SBK2: variants seen among roughly 807,000 people sequenced by gnomAD.
SBK2 encodes SH3 domain binding kinase family member 2, also known as serine/threonine-protein kinase SBK2.
In SBK2, 18 loss-of-function variants were observed where a neutral mutation model predicts 15.9. That is an observed-to-expected ratio of 1.13 (90% CI 0.78 to 1.68). SBK2 has a LOEUF of 1.68. Among genes scored for constraint, SBK2 ranks in the 40% most tolerant of loss-of-function variants. SBK2 has a pLI of 0.00. For missense variants in SBK2, 581 were observed against 510.9 expected (o/e 1.14, Z -1.32); for synonymous variants, 284 against 246.8 (o/e 1.15, Z -1.41).
Position 55,531,184 on chromosome 19 carries a change from G to T in SBK2, c.415C>A (p.Pro139Thr). The T allele has an allele frequency of 1.9e-6, 3 of 1,613,020 alleles. No individual in the cohort carries two copies. The highest frequency in any genetic ancestry group is 2.5e-6 in the Non-Finnish European group (3 of 1,179,976). ...SAHSYSFLTE[P>T]VLHGDLMAFI... Reference sequence around the variant, plus strand: ...GCCATGAGGTCCCCGTGCAGGACGGGCTCCGTCAGGAAGCTGTAGGAGTGT... The same window carrying T: ...GCCATGAGGTCCCCGTGCAGGACGGTCTCCGTCAGGAAGCTGTAGGAGTGT... Residue 139 changes from proline to threonine, a missense_variant, in exon 3 of 4, where the codon CCC (proline) becomes ACC (threonine). By Grantham distance (38) the Pro-to-Thr change is conservative. Transcript: ENST00000413299.
intron 2 of SBK2, 36 bp downstream of exon 2, chr19:55,536,006 C>G (rs755638381): frequency 9.8e-6 from 14 of 1,426,078 alleles, no homozygotes; most frequent in Non-Finnish European, 1.3e-5. Context: ...CCGCCCCCAG[C>G]TGAACCCTGC....
rs772099023 is a variant in SBK2 at position 55,530,288 on chromosome 19, G to A, written c.492C>T (p.Ala164=). ...ACTCCAGGGCGGAGGCCAGCTGGGCGGCGCAGCGGTGCACCGCGGGCTGCG... is the reference window on the plus strand; with the variant it reads ...ACTCCAGGGCGGAGGCCAGCTGGGCAGCGCAGCGGTGCACCGCGGGCTGCG... ...GLPQPAVHRC[A]AQLASALEYI... The change falls in exon 4 of 4, where the codon GCC becomes GCT. Residue 164 remains alanine, a synonymous_variant. Coordinates refer to ENST00000413299, the MANE Select transcript of SBK2 (RefSeq NM_001370096.2). 4.1e-6 allele frequency: 6 copies of A among 1,453,476 alleles called. No homozygotes were observed. In the South Asian group the frequency reaches 5.6e-5, roughly 14 times the overall value. The allele number at this position is 1,453,476 out of a possible 1,614,324, so 90.0% of individuals were successfully genotyped here. A position where few individuals can be genotyped will look rare whatever the true frequency, so the allele number is the denominator to read the frequency against.
At chr19:55,534,539 T>TA (rs889000112) in intron 2 of SBK2, among the ~76,000 whole-genome samples, 4 of 148,088 alleles carry the variant, frequency 2.7e-5, no homozygotes, top group South Asian at 2.2e-4. Flanking sequence ...GACCCCATCT[T>TA]AAAAAAAACA....
rs747032700 is a variant in SBK2 at position 55,531,215 on chromosome 19, C to T, written c.384G>A (p.Glu128=). The change falls in exon 3 of 4, where the codon GAG becomes GAA. Residue 128 remains glutamate (E), a synonymous_variant. Coordinates refer to ENST00000413299, the MANE Select transcript of SBK2 (RefSeq NM_001370096.2). Reference sequence around the variant, plus strand: ...TCAGGAAGCTGTAGGAGTGTGCCGACTCGATGCCAATGCCGTAGGCCGTCA... The same window carrying T: ...TCAGGAAGCTGTAGGAGTGTGCCGATTCGATGCCAATGCCGTAGGCCGTCA... ...AIVTAYGIGI[E]SAHSYSFLTE... is the part of the protein sequence containing the mutation. 1.7e-5 allele frequency: 28 copies of T among 1,613,212 alleles called. No individual in the cohort carries two copies. Among genetic ancestry groups the T allele is most frequent in the South Asian group, 2.2e-5 (2 of 91,088 alleles).
chr19:55,533,787 G>A (rs911364850), intron 2 of SBK2, among the ~76,000 whole-genome samples: 10 of 150,660 alleles, frequency 6.6e-5, no homozygotes, highest in Non-Finnish European at 1.0e-4. Flanking sequence ...TGTTCACAGC[G>A]CTCCTGATCA....
In SBK2 at chr19:55,530,007, G is replaced by A. The variant is rs1474987727; in HGVS notation, c.773C>T (p.Thr258Met). ...GGGCCGGTCCCAGGGGAAGTAGCCC[G>A]TGAGGAGGCAGAAGAGCAGGACGCC... ...ALGVLLFCLLTGYFPWDRPLA... is the reference protein window; with the variant it reads ...ALGVLLFCLLMGYFPWDRPLA... Residue 258 changes from threonine to methionine, a missense_variant, in exon 4 of 4, where the codon ACG becomes ATG. Physicochemically the swap from Thr to Met is moderately conservative, Grantham distance 81. Coordinates refer to ENST00000413299, the MANE Select transcript of SBK2 (RefSeq NM_001370096.2). 7 of 1,520,382 alleles carry A rather than the reference G, an allele frequency of 4.6e-6. No individual in the cohort carries two copies. The South Asian group carries it at 6.1e-5, about 13-fold the overall frequency. 94.2% of individuals were successfully genotyped at this position (1,520,382 alleles called of 1,614,324 possible). A position where few individuals can be genotyped will look rare whatever the true frequency, so the allele number is the denominator to read the frequency against.
At position 55,529,742 on chromosome 19, in the gene SBK2, A is replaced by C; in HGVS notation, c.1038T>G (p.Ala346=). The change falls in exon 4 of 4, where the codon GCT becomes GCG. Residue 346 remains alanine (A), a synonymous_variant. Transcript: ENST00000413299. The stretch of plus-strand genomic sequence containing the variant: ...ATCCCCCGGGGCCTCCTCACTGCCC[A>C]GCCTCCTCTTCCACCGCTCCCACTG... ...AEAVGAVEEE[A]GQ is the part of the protein sequence containing the mutation. 1.9e-6 allele frequency: 3 copies of C among 1,600,582 alleles called. No individual in the cohort carries two copies. The highest frequency in any genetic ancestry group is 2.5e-6 in the Non-Finnish European group (3 of 1,179,432).
chr19:55,534,704 C>CAAAAAAAAA (rs35461460), intron 2 of SBK2, among the ~76,000 whole-genome samples: 1 of 82,590 alleles, frequency 1.2e-5, no homozygotes, highest in Non-Finnish European at 2.1e-5. Flanking sequence ...GACCCTGTCT[C>CAAAAAAAAA]AAAAAAAAAA....
intron 2 of SBK2, among the ~76,000 whole-genome samples, chr19:55,532,079 C>T (rs1176142415): frequency 1.3e-5 from 2 of 152,114 alleles, no homozygotes; most frequent in African/African-American, 2.4e-5. Context: ...AGTCTATAGC[C>T]ATGGAGATGG....
intron 2 of SBK2, among the ~76,000 whole-genome samples, chr19:55,534,720 AG>A (rs1469242472): frequency 8.7e-5 from 12 of 138,680 alleles, no homozygotes; most frequent in South Asian, 2.3e-4. Context: ...AAAAAAAAAA[AG>A]AAAAAAAAAG....
Position 55,529,602 on chromosome 19 carries a change from G to A in SBK2, c.*131C>T. 8 of 799,766 alleles carry A rather than the reference G, an allele frequency of 1.0e-5. No homozygotes were observed. Among genetic ancestry groups the A allele is most frequent in the Non-Finnish European group, 1.3e-5 (8 of 607,826 alleles). The allele number at this position is 799,766 out of a possible 1,614,324, so 49.5% of individuals were successfully genotyped here. A position where few individuals can be genotyped will look rare whatever the true frequency, so the allele number is the denominator to read the frequency against. On this transcript the variant is annotated 3_prime_UTR_variant, in exon 4 of 4. Transcript: ENST00000413299. ...AGGGAGGAATGCAGCCTGCAGAGAG[G>A]AGAGAGGAGGAGGACGCCGAGGGGA...
rs1481616999 is a variant in SBK2, at chr19:55,530,204, G to C, written c.576C>G (p.Cys192Trp). Residue 192 changes from cysteine to tryptophan, a missense_variant, in exon 4 of 4, where the codon TGC becomes TGG. Transcript: ENST00000413299. The part of the protein sequence containing the change: ...RDLKPENVLV[C>W]DPACRRFKLT... Reference sequence around the variant, plus strand: ...GCTTGAAGCGCCGGCAGGCCGGGTCGCACACCAGGACGTTCTCCGGCTTCA... The same window carrying C: ...GCTTGAAGCGCCGGCAGGCCGGGTCCCACACCAGGACGTTCTCCGGCTTCA... 3.9e-6 allele frequency: 6 copies of C among 1,534,900 alleles called. No homozygotes were observed. The highest frequency in any genetic ancestry group is 5.3e-6 in the Non-Finnish European group (6 of 1,140,844).
At chr19:55,536,016 C>A (rs774064920) in intron 2 of SBK2, 26 bp downstream of exon 2, 2 of 1,426,446 alleles carry the variant, frequency 1.4e-6, no homozygotes, top group Non-Finnish European at 1.8e-6. Flanking sequence ...CTGAACCCTG[C>A]CACCTCTGGC....
chr19:55,533,417 G>A (rs528599858), intron 2 of SBK2, among the ~76,000 whole-genome samples: 37 of 151,854 alleles, frequency 2.4e-4, no homozygotes, highest in African/African-American at 8.5e-4. Flanking sequence ...GGAGGCCCAG[G>A]TGGGTGGATC....
rs942437153 is a variant in SBK2, at chr19:55,530,167, C to G, written c.613G>C (p.Gly205Arg). ...AGCGTCCCGCGAGGCCTCGTGTGGC[C>G]GAAGTCGGTCAGCTTGAAGCGCCGG... ...ACRRFKLTDFGHTRPRGTLLR... is the reference protein window; with the variant it reads ...ACRRFKLTDFRHTRPRGTLLR... The change falls in exon 4 of 4, where the codon GGC becomes CGC. Residue 205 changes from glycine to arginine, a missense_variant. By Grantham distance (125) the Gly-to-Arg change is moderately radical (BLOSUM62 -2). Transcript: ENST00000413299. 1.3e-6 allele frequency: 2 copies of G among 1,524,264 alleles called. No homozygotes were observed. The highest frequency in any genetic ancestry group is 1.8e-6 in the Non-Finnish European group (2 of 1,136,878). The allele number at this position is 1,524,264 out of a possible 1,614,324, so 94.4% of individuals were successfully genotyped here.
intron 1 of SBK2, 155 bp from the exon 2 acceptor site, chr19:55,536,451 A>G (rs1209565500): frequency 1.5e-5 from 9 of 610,446 alleles, no homozygotes; most frequent in Non-Finnish European, 2.1e-5. Context: ...AGGTGGGGAG[A>G]CAAGTCTGGT....
rs559033119 is a variant in SBK2, at chr19:55,529,839, C to T, written c.941G>A (p.Arg314Lys). ...LRGLLDPHPR[R>K]RSAVIAIREH... Reference sequence around the variant, plus strand: ...CCTGATGGCGATCACAGCGCTCCTCCTTCGGGGGTGAGGGTCCAGCAGCCC... The same window carrying T: ...CCTGATGGCGATCACAGCGCTCCTCTTTCGGGGGTGAGGGTCCAGCAGCCC... Residue 314 changes from arginine to lysine, a missense_variant, in exon 4 of 4, where the codon AGG (arginine) becomes AAG (lysine). Transcript: ENST00000413299. 1 of 1,603,700 alleles carries T rather than the reference C, an allele frequency of 6.2e-7. No homozygotes were observed. The highest frequency in any genetic ancestry group is 2.2e-5 in the East Asian group (1 of 44,726).
Position 55,534,292 on chromosome 19 carries a change from C to T in SBK2, c.253+1750G>A, listed in dbSNP as rs187666612. 1.4e-3 allele frequency among the ~76,000 whole-genome samples: 211 copies of T among 152,228 alleles called. 1 individual carries two copies. Among genetic ancestry groups the T allele is most frequent in the Non-Finnish European group, 2.0e-3 (137 of 68,030 alleles). On this transcript the variant is annotated intron_variant, in intron 2 of 3. Coordinates refer to ENST00000413299, the MANE Select transcript of SBK2 (RefSeq NM_001370096.2). ...CAGGACACAGACACACACAGAGGGA[C>T]GACCATGTGAGGACACAGGGAGAAG...
rs751906964 is a variant in SBK2 at position 55,529,843 on chromosome 19, G to T, written c.937C>A (p.Arg313=). 1.0e-5 allele frequency: 16 copies of T among 1,603,308 alleles called. No homozygotes were observed. Among genetic ancestry groups the T allele is most frequent in the Non-Finnish European group, 1.1e-5 (13 of 1,178,938 alleles). ...ATGGCGATCACAGCGCTCCTCCTTCGGGGGTGAGGGTCCAGCAGCCCCCGC... is the reference window on the plus strand; with the variant it reads ...ATGGCGATCACAGCGCTCCTCCTTCTGGGGTGAGGGTCCAGCAGCCCCCGC... The part of the protein sequence containing the change: ...LLRGLLDPHP[R]RRSAVIAIRE... Residue 313 remains arginine (R), a synonymous_variant, in exon 4 of 4, where the codon CGA becomes AGA. Transcript: ENST00000413299.
Sources: allele counts gnomAD v4.1 joint callset (sites outside exome capture counted in the v4.1 genomes callset), GRCh38; gene constraint gnomAD v4.1.1; transcripts MANE v1.5; gene names NCBI Gene and HGNC (gene_info 2026-07-23, HGNC 2026-07-21).